The following DPYSL2 variants were observed in gnomAD, a reference collection of about 807,000 sequenced individuals.
The protein encoded by DPYSL2 is dihydropyrimidinase-related protein 2.
In DPYSL2, 13 loss-of-function variants were observed where a neutral mutation model predicts 69.9. The observed-to-expected ratio is 0.19, with a 90% confidence interval of 0.12 to 0.30. The LOEUF is 0.30. Ranked by LOEUF, DPYSL2 falls within the 10% of genes least tolerant of loss-of-function variation. DPYSL2 has a pLI of 1.00. For missense variants in DPYSL2, 587 were observed against 918.9 expected (o/e 0.64, Z 4.67); for synonymous variants, 326 against 359.1 (o/e 0.91, Z 1.04).
chr8:26,578,690 C>G (rs1218038519), intron 1 of DPYSL2, among the ~76,000 whole-genome samples: 1 of 152,224 alleles, frequency 6.6e-6, no homozygotes, highest in Non-Finnish European at 1.5e-5. Flanking sequence ...ACTCCTCCAG[C>G]AGCGATGGGG....
At chr8:26,537,456 G>A (rs1800610874) in intron 1 of DPYSL2, among the ~76,000 whole-genome samples, 1 of 152,064 alleles carries the variant, frequency 6.6e-6, no homozygotes, top group African/African-American at 2.4e-5. Context: ...GAAAAAAATT[G>A]CTTGTGCTTT....
chr8:26,604,553 C>G (rs1286229254), intron 3 of DPYSL2, among the ~76,000 whole-genome samples: 1 of 152,204 alleles, frequency 6.6e-6, no homozygotes, highest in Non-Finnish European at 1.5e-5. Context: ...AAGGTAGCCA[C>G]TGGTCTCCAT....
intron 1 of DPYSL2, among the ~76,000 whole-genome samples, chr8:26,557,054 A>G (rs1257257059): frequency 6.6e-6 from 1 of 152,182 alleles, no homozygotes; most frequent in Non-Finnish European, 1.5e-5. Context: ...CAGACCTCAC[A>G]TCTTTCAGGA....
chr8:26,588,517 C>T lies in DPYSL2; in HGVS notation c.628+4534C>T, dbSNP rs1439335016. 6.6e-6 allele frequency among the ~76,000 whole-genome samples: 1 copy of T among 152,208 alleles called. No individual in the cohort carries two copies. Among genetic ancestry groups the T allele is most frequent in the Non-Finnish European group, 1.5e-5 (1 of 68,028 alleles). ...TGCTCTGAATGTCATTTCTGCTCAC[C>T]TGAACTCCAGGCTCTCTCTAGAGGA... On this transcript the variant is annotated intron_variant, in intron 3 of 13. Transcript: ENST00000521913. This position sits in a 1 kb window ranked among gnomAD's most constrained non-coding sequence, Gnocchi z 5.4.
At chr8:26,553,379 A>G (rs1006184997) in intron 1 of DPYSL2, among the ~76,000 whole-genome samples, 4 of 151,166 alleles carry the variant, frequency 2.6e-5, no homozygotes, top group African/African-American at 9.7e-5. Context: ...CCCTCCTCCC[A>G]CCCTCCATCC....
chr8:26,599,566 CCT>C (rs1007284706), intron 3 of DPYSL2, among the ~76,000 whole-genome samples: 1 of 150,926 alleles, frequency 6.6e-6, no homozygotes, highest in East Asian at 2.0e-4. Flanking sequence ...ACTCCTCTCC[CCT>C]CTTTTCCCCT....
At chr8:26,542,689 G>C (rs1007029305) in intron 1 of DPYSL2, among the ~76,000 whole-genome samples, 2 of 152,108 alleles carry the variant, frequency 1.3e-5, no homozygotes, top group African/African-American at 4.8e-5. Flanking sequence ...TCCTCATAAA[G>C]TGTTGGGATT....
chr8:26,640,806 C>T lies in DPYSL2; in HGVS notation c.1127-2633C>T, dbSNP rs1803023963. On this transcript the variant is annotated intron_variant, in intron 8 of 13. Transcript: ENST00000521913. This position sits in a 1 kb window ranked among gnomAD's most constrained non-coding sequence, Gnocchi z 4.2. ...TCCCCTGGCATCCACTGCCCCTGCC[C>T]CTGAATGTCCCTATCTTTGCTTAGC... 6.6e-6 allele frequency among the ~76,000 whole-genome samples: 1 copy of T among 152,192 alleles called. No homozygotes were observed. The highest frequency in any genetic ancestry group is 2.4e-5 in the African/African-American group (1 of 41,456).
rs932799522 is a variant in DPYSL2, at chr8:26,624,006, T to C, written c.629-137T>C. ...ATAATCAGCTGGGTTACATGGATTC[T>C]TAGAAGCTGGTTGTAGAGATCACCA... is the stretch of plus-strand genomic sequence containing the variant. On this transcript the variant is annotated intron_variant, in intron 3 of 13. Coordinates refer to ENST00000521913, the MANE Select transcript of DPYSL2 (RefSeq NM_001197293.3). This position sits in a 1 kb window ranked among gnomAD's most constrained non-coding sequence, Gnocchi z 4.7. The C allele has an allele frequency of 6.8e-6, 6 of 885,204 alleles. No homozygotes were observed. In the Admixed American group the frequency reaches 1.1e-4, roughly 16 times the overall value. 54.8% of individuals were successfully genotyped at this position (885,204 alleles called of 1,614,324 possible).
chr8:26,584,729 C>T (rs1249096281), intron 3 of DPYSL2, among the ~76,000 whole-genome samples: 1 of 150,440 alleles, frequency 6.6e-6, no homozygotes, highest in East Asian at 2.0e-4. Flanking sequence ...AAGTGATTCT[C>T]CTGGCTCAGC....
chr8:26,595,128 T>G (rs769009087), intron 3 of DPYSL2, among the ~76,000 whole-genome samples: 2 of 151,222 alleles, frequency 1.3e-5, no homozygotes, highest in Non-Finnish European at 2.9e-5. Flanking sequence ...GAGGCTGAGG[T>G]AGGAGGATTG....
chr8:26,558,606 A>G (rs1181453727), intron 1 of DPYSL2, among the ~76,000 whole-genome samples: 2 of 152,232 alleles, frequency 1.3e-5, no homozygotes, highest in Non-Finnish European at 2.9e-5. Context: ...ATAATAATGT[A>G]ACTATATTGG....
intron 4 of DPYSL2, among the ~76,000 whole-genome samples, chr8:26,625,546 T>C (rs1383152157): frequency 2.0e-5 from 3 of 152,156 alleles, no homozygotes; most frequent in African/African-American, 7.2e-5. Context: ...TGTTTAAAAT[T>C]GTGATGAATG....
rs566108735 is a variant in DPYSL2 at position 26,534,082 on chromosome 8, A to G, written c.354+19403A>G. On this transcript the variant is annotated intron_variant, in intron 1 of 13. Transcript: ENST00000521913. ...GGAACAGAGGAGTTCAATGAGCAAC[A>G]ACAAGACTGGTTATTGGAATTATTA... Among the ~76,000 whole-genome samples, 70 of 152,336 alleles carry G rather than the reference A, an allele frequency of 4.6e-4. 1 individual carries two copies. The highest frequency in any genetic ancestry group is 1.6e-3 in the African/African-American group (67 of 41,580).
At chr8:26,618,912 C>A (rs1170770806) in intron 3 of DPYSL2, among the ~76,000 whole-genome samples, 1 of 151,728 alleles carries the variant, frequency 6.6e-6, no homozygotes, top group Non-Finnish European at 1.5e-5. Context: ...GAGCTGAGAT[C>A]GCGCCACTGC....
At position 26,655,681 on chromosome 8, in the gene DPYSL2, G is replaced by A. The variant is rs1285262006; in HGVS notation, c.2009G>A (p.Arg670His). Residue 670 changes from arginine to histidine, a missense_variant, in exon 14 of 14, where the codon CGT becomes CAT. This residue lies in a region of DPYSL2 where 452 missense variants were observed against 754.3 expected (regional missense o/e 0.60). Transcript: ENST00000521913. Reference protein sequence around the residue: ...TQRIVAPPGGRANITSLG With the variant: ...TQRIVAPPGGHANITSLG ...CGTATCGTGGCGCCCCCCGGTGGCC[G>A]TGCCAACATCACCAGCCTGGGCTAG... is the stretch of plus-strand genomic sequence containing the variant. The A allele has an allele frequency of 7.5e-6, 12 of 1,608,062 alleles. No individual in the cohort carries two copies. Among genetic ancestry groups the A allele is most frequent in the East Asian group, 2.2e-5 (1 of 44,852 alleles).
chr8:26,638,408 A>C (rs937872952), intron 8 of DPYSL2, among the ~76,000 whole-genome samples: 23 of 152,176 alleles, frequency 1.5e-4, no homozygotes, highest in African/African-American at 5.1e-4. Flanking sequence ...ATCCACATGA[A>C]CCTCCCCAGC....
chr8:26,621,820 G>A lies in DPYSL2; in HGVS notation c.629-2323G>A, dbSNP rs1802487827. Among the ~76,000 whole-genome samples the A allele has an allele frequency of 6.6e-6, 1 of 152,186 alleles. No individual in the cohort carries two copies. The highest frequency in any genetic ancestry group is 2.4e-5 in the African/African-American group (1 of 41,440). ...TGGGTGAGCAGGTCAGGGATAAAGA[G>A]TACCTTGGAGAGATCAACTAGGACC... On this transcript the variant is annotated intron_variant, in intron 3 of 13. Transcript: ENST00000521913. The surrounding 1 kb of genome is among the most constrained non-coding windows in gnomAD (Gnocchi z 4.9).
rs1363765380 is a variant in DPYSL2, at chr8:26,627,898, C to G, written c.963C>G (p.Gly321=). The G allele has an allele frequency of 6.2e-7, 1 of 1,613,944 alleles. No homozygotes were observed. The highest frequency in any genetic ancestry group is 1.3e-5 in the African/African-American group (1 of 75,050). ...AEEQQRILDL[G]ITGPEGHVLS... ...AGCAGCAGAGGATCCTGGATCTGGG[C>G]ATCACGGGCCCCGAGGGACATGTGC... Residue 321 remains glycine, a synonymous_variant, in exon 7 of 14, where the codon GGC becomes GGG. Coordinates refer to ENST00000521913, the MANE Select transcript of DPYSL2 (RefSeq NM_001197293.3). This position sits in a 1 kb window ranked among gnomAD's most constrained non-coding sequence, Gnocchi z 6.9.
Sources: gnomAD v4.1 joint callset for allele counts (sites outside exome capture counted in the v4.1 genomes callset) on GRCh38, gnomAD v4.1.1 for gene constraint, gnomAD v4.1.1 regional missense constraint, Gnocchi (gnomAD v3.1) non-coding constraint, MANE v1.5 for transcripts, NCBI Gene and HGNC (gene_info 2026-07-23, HGNC 2026-07-21) for gene names.